INPP4B: variants seen among roughly 807,000 people sequenced by gnomAD.
INPP4B encodes the protein inositol polyphosphate 4-phosphatase type II.
INPP4B carries 55 observed loss-of-function variants against 122.5 expected under a neutral mutation model. The ratio of observed to expected loss-of-function variants is 0.45; its 90% CI spans 0.36 to 0.56. The LOEUF (loss-of-function observed/expected upper bound fraction) is 0.56, where lower values mean the gene tolerates loss of function less well. Ranked by LOEUF, INPP4B falls within the 20% of genes least tolerant of loss-of-function variation. INPP4B has a pLI of 0.00. For missense variants in INPP4B, 1,000 were observed against 1,097.7 expected, an observed-to-expected ratio of 0.91 and a Z score of 1.26; for synonymous variants, 403 against 388.7, an observed-to-expected ratio of 1.04 and a Z score of -0.43.
At chr4:142,053,305 G>A (rs1755649624) in intron 25 of INPP4B, among the ~76,000 whole-genome samples, 1 of 152,048 alleles carries the variant, frequency 6.6e-6, no homozygotes, top group African/African-American at 2.4e-5. Context: ...TATGTATTTT[G>A]AAATATGAAT....
chr4:142,507,582 G>A (rs80177866), intron 2 of INPP4B, among the ~76,000 whole-genome samples: 4,156 of 151,902 alleles, frequency 0.027, 132 homozygotes, highest in Admixed American at 0.068. Flanking sequence ...AAAAGACACA[G>A]CATCTACCCT....
Position 142,842,706 on chromosome 4 carries a change from A to AAATATAATATATTAATATATTATAATATT in INPP4B, c.-254+3474_-254+3502dup, listed in dbSNP as rs1304375798. On this transcript the variant is annotated intron_variant, in intron 1 of 25. Transcript: ENST00000262992. ...TATATTAATATAATATATAATATAT[A>AAATATAATATATTAATATATTATAATATT]AATATAATATATTAATATATTATAA... Among the ~76,000 whole-genome samples the AAATATAATATATTAATATATTATAATATT allele has an allele frequency of 2.6e-3, 342 of 132,438 alleles. 1 individual carries two copies. The highest frequency in any genetic ancestry group is 3.6e-3 in the Non-Finnish European group (231 of 64,120). The allele number at this position is 132,438 out of a possible 152,430, so 86.9% of individuals were successfully genotyped here.
At chr4:142,466,207 T>C (rs1294017581) in intron 2 of INPP4B, among the ~76,000 whole-genome samples, 1 of 152,178 alleles carries the variant, frequency 6.6e-6, no homozygotes, top group East Asian at 1.9e-4. Flanking sequence ...TCTTAGAGAC[T>C]GGTTAAATGG....
intron 2 of INPP4B, among the ~76,000 whole-genome samples, chr4:142,655,144 A>T (rs1335287247): frequency 1.3e-5 from 2 of 152,096 alleles, no homozygotes; most frequent in Admixed American, 1.3e-4. Flanking sequence ...ACATTCTTCA[A>T]AAAACAACAA....
At chr4:142,265,740 T>A (rs887239502) in intron 10 of INPP4B, among the ~76,000 whole-genome samples, 5 of 152,214 alleles carry the variant, frequency 3.3e-5, no homozygotes, top group African/African-American at 1.2e-4. Flanking sequence ...ACCATTTTAG[T>A]CAGCTTATGA....
intron 1 of INPP4B, among the ~76,000 whole-genome samples, chr4:142,821,381 C>A (rs1780773330): frequency 6.6e-6 from 1 of 151,958 alleles, no homozygotes; most frequent in Non-Finnish European, 1.5e-5. Flanking sequence ...TAAAATGACA[C>A]CATATGGTGG....
At chr4:142,072,745 A>G (rs1343344559) in intron 25 of INPP4B, among the ~76,000 whole-genome samples, 1 of 152,066 alleles carries the variant, frequency 6.6e-6, no homozygotes, top group Non-Finnish European at 1.5e-5. Flanking sequence ...ATTTAAGTGC[A>G]TCAGTGATCA....
intron 1 of INPP4B, among the ~76,000 whole-genome samples, chr4:142,783,453 T>C (rs1775218094): frequency 6.6e-6 from 1 of 152,118 alleles, no homozygotes; most frequent in Admixed American, 6.6e-5. Flanking sequence ...TTAAATTAAA[T>C]TGGAATTGGG....
chr4:142,648,588 A>C (rs931727530), intron 2 of INPP4B, among the ~76,000 whole-genome samples: 1 of 152,186 alleles, frequency 6.6e-6, no homozygotes, highest in Non-Finnish European at 1.5e-5. Context: ...ATATGAGATG[A>C]AACTGCGAGG....
chr4:142,350,348 T>A (rs919617594), intron 7 of INPP4B, among the ~76,000 whole-genome samples: 2 of 151,970 alleles, frequency 1.3e-5, no homozygotes, highest in Non-Finnish European at 2.9e-5. Flanking sequence ...TAAAGATAAG[T>A]CAGAGTGTAT....
At chr4:142,704,850 A>G (rs1485588812) in intron 2 of INPP4B, among the ~76,000 whole-genome samples, 3 of 152,124 alleles carry the variant, frequency 2.0e-5, no homozygotes, top group African/African-American at 7.2e-5. Context: ...CCAATTTCGT[A>G]TGTACTTTTC....
At chr4:142,628,557 T>TAAAAAAAAAAA (rs35955830) in intron 2 of INPP4B, among the ~76,000 whole-genome samples, 1 of 99,924 alleles carries the variant, frequency 1.0e-5, no homozygotes, top group African/African-American at 3.8e-5. Flanking sequence ...AAACTTAAAG[T>TAAAAAAAAAAA]AAAAAAAAAA....
chr4:142,085,663 A>T (rs1277218024), intron 24 of INPP4B, among the ~76,000 whole-genome samples: 1 of 152,196 alleles, frequency 6.6e-6, no homozygotes, highest in Non-Finnish European at 1.5e-5. Context: ...CCCAAGAGCA[A>T]TCCATCAGTA....
At chr4:142,057,768 G>C (rs1279051866) in intron 25 of INPP4B, among the ~76,000 whole-genome samples, 1 of 152,074 alleles carries the variant, frequency 6.6e-6, no homozygotes, top group African/African-American at 2.4e-5. Flanking sequence ...TTACCTCTTT[G>C]TGTAGTGCCC....
At chr4:142,458,636 C>T (rs1406677031) in intron 3 of INPP4B, among the ~76,000 whole-genome samples, 1 of 152,032 alleles carries the variant, frequency 6.6e-6, no homozygotes, top group Non-Finnish European at 1.5e-5. Flanking sequence ...ACCAATTTGA[C>T]AAGGCAGTAA....
chr4:142,717,712 G>A (rs1239362265), intron 2 of INPP4B, among the ~76,000 whole-genome samples: 4 of 152,000 alleles, frequency 2.6e-5, no homozygotes, highest in Admixed American at 6.6e-5. Context: ...GACACAGGGC[G>A]GGGAACATCA....
At chr4:142,246,855 G>C (rs1223385472) in intron 11 of INPP4B, among the ~76,000 whole-genome samples, 1 of 152,150 alleles carries the variant, frequency 6.6e-6, no homozygotes, top group Non-Finnish European at 1.5e-5. Context: ...GGGTGAGAGA[G>C]GGCATCCTTG....
intron 2 of INPP4B, among the ~76,000 whole-genome samples, chr4:142,520,678 G>C: frequency 6.6e-6 from 1 of 151,878 alleles, no homozygotes; most frequent in African/African-American, 2.4e-5. Flanking sequence ...AGTTTTAAAA[G>C]GGTTAAGTTA....
chr4:142,841,714 T>C (rs946238864), intron 1 of INPP4B, among the ~76,000 whole-genome samples: 5 of 151,922 alleles, frequency 3.3e-5, no homozygotes, highest in Non-Finnish European at 7.4e-5. Context: ...TATAAATAAA[T>C]GATCTATTAT....
Sources: gnomAD v4.1 joint callset for allele counts (sites outside exome capture counted in the v4.1 genomes callset) on GRCh38, gnomAD v4.1.1 for gene constraint, MANE v1.5 for transcripts, NCBI Gene and HGNC (gene_info 2026-07-23, HGNC 2026-07-21) for gene names.